MOV10: variants seen among roughly 807,000 people sequenced by gnomAD.
MOV10 encodes the protein Mov10 RNA helicase, also known as RNA helicase MOV-10.
Under a neutral mutation model 108.4 loss-of-function variants are expected in MOV10, and 39 were observed. The observed-to-expected ratio is 0.36, with a 90% CI of 0.28 to 0.47. The LOEUF is 0.47. Among genes scored for constraint, MOV10 ranks in the 20% least tolerant of loss-of-function variants. The pLI is 1.00. For missense variants in MOV10, 952 were observed against 1,297.6 expected, an observed-to-expected ratio of 0.73 and a Z score of 4.09; for synonymous variants, 490 against 523.1, an observed-to-expected ratio of 0.94 and a Z score of 0.86.
rs1315160080 is a variant in MOV10 at position 112,694,285 on chromosome 1, T to G, written c.1295+113T>G. 2 of 1,466,148 alleles carry G rather than the reference T, an allele frequency of 1.4e-6. No individual in the cohort carries two copies. The highest frequency in any genetic ancestry group is 4.5e-5 in the East Asian group (2 of 43,970). 90.8% of individuals were successfully genotyped at this position (1,466,148 alleles called of 1,614,324 possible). A position where few individuals can be genotyped will look rare whatever the true frequency, so the allele number is the denominator to read the frequency against. On this transcript the variant is annotated intron_variant, in intron 8 of 20. Coordinates refer to ENST00000369645, the MANE Select transcript of MOV10 (RefSeq NM_001321324.2). This position sits in a 1 kb window ranked among gnomAD's most constrained non-coding sequence, Gnocchi z 4.1. ...GAGACCCCGGGGCAGAGCAGGAGAC[T>G]TTTCCTCAGGGGTACCCTGAGATGC...
At chr1:112,698,505 T>TG (rs1674321203) in intron 16 of MOV10, 27 bp downstream of exon 16, 1 of 1,607,076 alleles carries the variant, frequency 6.2e-7, no homozygotes, top group Non-Finnish European at 8.5e-7. Context: ...CCAGCAAGGG[T>TG]GGGGCCCCTC....
At position 112,698,105 on chromosome 1, in the gene MOV10, T is replaced by C. The variant is rs1460238405; in HGVS notation, c.2310T>C (p.Pro770=). Residue 770 remains proline, a synonymous_variant, in exon 15 of 21, where the codon CCT becomes CCC. Coordinates refer to ENST00000369645, the MANE Select transcript of MOV10 (RefSeq NM_001321324.2). The part of the protein sequence containing the change: ...RERFCRWAGL[P]RQGFPIIFHG... The stretch of plus-strand genomic sequence containing the variant: ...GCTTCTGCCGCTGGGCGGGCCTACC[T>C]CGACAGGTGAGGCTGAGCAGGGCAG... 1 of 1,613,970 alleles carries C rather than the reference T, an allele frequency of 6.2e-7. No individual in the cohort carries two copies. Among genetic ancestry groups the C allele is most frequent in the South Asian group, 1.1e-5 (1 of 91,078 alleles).
In MOV10 at chr1:112,696,637, G is replaced by A; in HGVS notation, c.1989G>A (p.Met663Ile). The change falls in exon 14 of 21, where the codon ATG becomes ATA. Residue 663 changes from methionine to isoleucine, a missense_variant. Met to Ile is a conservative substitution (Grantham distance 10). Transcript: ENST00000369645. Reference protein sequence around the residue: ...PESLVAIAGLMEVKETGDPGG... With the variant: ...PESLVAIAGLIEVKETGDPGG... ...ACCTCTTCTGCTTCCCAGGGCTGAT[G>A]GAAGTAAAGGAAACAGGTGATCCAG... is the stretch of plus-strand genomic sequence containing the variant. 6.2e-7 allele frequency: 1 copy of A among 1,612,506 alleles called. No homozygotes were observed. Among genetic ancestry groups the A allele is most frequent in the Non-Finnish European group, 8.5e-7 (1 of 1,179,264 alleles).
chr1:112,694,685 G>A lies in MOV10; in HGVS notation c.1472+56G>A, dbSNP rs897062744. On this transcript the variant is annotated intron_variant, in intron 9 of 20. Coordinates refer to ENST00000369645, the MANE Select transcript of MOV10 (RefSeq NM_001321324.2). This position sits in a 1 kb window ranked among gnomAD's most constrained non-coding sequence, Gnocchi z 4.1. ...CACTTGGAGTGTGGGCACAGGGGGT[G>A]GAGTCAGGGAGGCCTCTGGGTCACT... 9.4e-6 allele frequency: 15 copies of A among 1,594,650 alleles called. No homozygotes were observed. In the African/African-American group the frequency reaches 1.5e-4, roughly 16 times the overall value.
rs747668312 is a variant in MOV10, at chr1:112,700,529, C to T, written c.*22C>T. Reference sequence around the variant, plus strand: ...CTGAAGACACAGCACCCAGCCTTCTCGCACCAGCCAAGCCTTAACTGCCTG... The same window carrying T: ...CTGAAGACACAGCACCCAGCCTTCTTGCACCAGCCAAGCCTTAACTGCCTG... On this transcript the variant is annotated 3_prime_UTR_variant, in exon 21 of 21. Transcript: ENST00000369645. 24 of 1,609,644 alleles carry T rather than the reference C, an allele frequency of 1.5e-5. No homozygotes were observed. Among genetic ancestry groups the T allele is most frequent in the South Asian group, 7.7e-5 (7 of 90,604 alleles).
At position 112,700,406 on chromosome 1, in the gene MOV10, C is replaced by G. The variant is rs758587538; in HGVS notation, c.2921-10C>G. The G allele has an allele frequency of 2.5e-6, 4 of 1,613,458 alleles. No individual in the cohort carries two copies. Among genetic ancestry groups the G allele is most frequent in the Non-Finnish European group, 3.4e-6 (4 of 1,179,690 alleles). ...GTAAGGAAGACACAGTGTACTTTCTCTCTTTCCAGGGCCCCACAGCCATGA... is the reference window on the plus strand; with the variant it reads ...GTAAGGAAGACACAGTGTACTTTCTGTCTTTCCAGGGCCCCACAGCCATGA... On this transcript the variant is annotated splice_polypyrimidine_tract_variant and intron_variant, in intron 20 of 20. Transcript: ENST00000369645.
chr1:112,697,754 G>C (rs72701115), intron 14 of MOV10: 15,231 of 450,486 alleles, frequency 0.034, 350 homozygotes, highest in East Asian at 0.062. Context: ...TAATTATTTA[G>C]TTTTAAATGT....
intron 11 of MOV10, 21 bp downstream of exon 11, chr1:112,695,595 G>A (rs1180208570): frequency 5.0e-6 from 8 of 1,608,884 alleles, no homozygotes; most frequent in Non-Finnish European, 5.9e-6. Context: ...AGTGCAGAGG[G>A]CCAAAGAATG....
intron 2 of MOV10, chr1:112,688,481 C>G (rs1274570637): frequency 2.8e-6 from 3 of 1,061,944 alleles, no homozygotes; most frequent in Non-Finnish European, 3.4e-6. Flanking sequence ...TCCCTTCTCT[C>G]CTCACCAACA....
chr1:112,690,177 G>A, intron 5 of MOV10, 79 bp downstream of exon 5: 1 of 1,525,092 alleles, frequency 6.6e-7, no homozygotes, highest in South Asian at 1.3e-5. Flanking sequence ...AGAGCACAGA[G>A]CTGGGAGCCA....
In MOV10 at chr1:112,694,402, T is replaced by C; in HGVS notation, c.1296-51T>C. The C allele has an allele frequency of 6.2e-7, 1 of 1,608,304 alleles. No individual in the cohort carries two copies. Among genetic ancestry groups the C allele is most frequent in the Non-Finnish European group, 8.5e-7 (1 of 1,176,346 alleles). ...GGTGGAGAAAGTTCTGGCCCTTTAT[T>C]GCCCACCTCCCCTGCCCCAACAAAC... On this transcript the variant is annotated intron_variant, in intron 8 of 20. Coordinates refer to ENST00000369645, the MANE Select transcript of MOV10 (RefSeq NM_001321324.2). This position sits in a 1 kb window ranked among gnomAD's most constrained non-coding sequence, Gnocchi z 4.1.
intron 1 of MOV10, 36 bp from the exon 2 acceptor site, chr1:112,674,812 C>T (rs958745417): frequency 8.0e-6 from 10 of 1,254,560 alleles, no homozygotes; most frequent in South Asian, 6.1e-5. Context: ...GGCTTCCCTC[C>T]TGCTGCACCC....
At chr1:112,682,250 G>T (rs1672719135) in intron 2 of MOV10, among the ~76,000 whole-genome samples, 2 of 152,024 alleles carry the variant, frequency 1.3e-5, no homozygotes, top group East Asian at 1.9e-4. Context: ...TTAAGTCAAG[G>T]TCTTGCTCCG....
chr1:112,694,731 TC>T lies in MOV10; in HGVS notation c.1473-16del, dbSNP rs1472076863. On this transcript the variant is annotated splice_polypyrimidine_tract_variant and intron_variant, in intron 9 of 20. Coordinates refer to ENST00000369645, the MANE Select transcript of MOV10 (RefSeq NM_001321324.2). This position sits in a 1 kb window ranked among gnomAD's most constrained non-coding sequence, Gnocchi z 4.1. Reference sequence around the variant, plus strand: ...TCACTGGATGACTTCAAGTTCACATTCCTGGTCCCTCTGCCAGGCTGTACGA... The same window carrying T: ...TCACTGGATGACTTCAAGTTCACATTCTGGTCCCTCTGCCAGGCTGTACGA... The T allele has an allele frequency of 6.2e-7, 1 of 1,612,866 alleles. No homozygotes were observed.
At chr1:112,693,933 C>G in intron 7 of MOV10, 85 bp from the exon 8 acceptor site, 1 of 1,271,896 alleles carries the variant, frequency 7.9e-7, no homozygotes, top group Non-Finnish European at 1.1e-6. Flanking sequence ...CAGTCCTTGT[C>G]CCTTAAAGGT....
At chr1:112,690,534 A>C (rs1673490423) in intron 5 of MOV10, among the ~76,000 whole-genome samples, 1 of 151,922 alleles carries the variant, frequency 6.6e-6, no homozygotes, top group South Asian at 2.1e-4. Flanking sequence ...TAATTTTTGT[A>C]TTTTTAGTAG....
chr1:112,698,578 T>C, intron 16 of MOV10, 100 bp downstream of exon 16: 1 of 1,457,044 alleles, frequency 6.9e-7, no homozygotes, highest in Non-Finnish European at 9.5e-7. Flanking sequence ...CTTAGGCCTC[T>C]GCTGGCTCCG....
At chr1:112,683,086 A>ATT (rs568584382) in intron 2 of MOV10, among the ~76,000 whole-genome samples, 3 of 144,472 alleles carry the variant, frequency 2.1e-5, no homozygotes, top group East Asian at 2.0e-4. Context: ...CGCCTGGCTA[A>ATT]TTTTTTTTTT....
intron 2 of MOV10, among the ~76,000 whole-genome samples, chr1:112,678,597 G>A (rs983503582): frequency 3.3e-5 from 5 of 152,048 alleles, no homozygotes; most frequent in African/African-American, 1.2e-4. Flanking sequence ...TGGGGAAAGT[G>A]ATATTTGAGT....
Sources: allele counts gnomAD v4.1 joint callset (sites outside exome capture counted in the v4.1 genomes callset), GRCh38; gene constraint gnomAD v4.1.1; non-coding constraint Gnocchi (gnomAD v3.1); transcripts MANE v1.5; gene names NCBI Gene and HGNC (gene_info 2026-07-23, HGNC 2026-07-21).